WDPCP: variants seen among roughly 807,000 people sequenced by gnomAD.
WDPCP encodes the protein WD repeat-containing and planar cell polarity effector protein fritz homolog.
Under a neutral mutation model 93.1 loss-of-function variants are expected in WDPCP, and 71 were observed. The observed-to-expected ratio is 0.76, with a 90% confidence interval of 0.63 to 0.93. The LOEUF (loss-of-function observed/expected upper bound fraction) is 0.93, where lower values mean the gene tolerates loss of function less well. Ranked by LOEUF, WDPCP falls within the 40% of genes least tolerant of loss-of-function variation. The probability of loss-of-function intolerance (pLI) is 0.00; values close to 1 mark genes in which losing one functional copy is unlikely to be tolerated. For synonymous variants in WDPCP, 315 were observed against 315.0 expected, an observed-to-expected ratio of 1.00 and a Z score of 0.00; for missense variants, 844 against 887.4, an observed-to-expected ratio of 0.95 and a Z score of 0.62.
chr2:63,839,489 C>T, the WDPCP span, among the ~76,000 whole-genome samples: 11 of 152,326 alleles, frequency 7.2e-5, no homozygotes, highest in African/African-American at 2.4e-4. Flanking sequence ...ACCCGGGAGG[C>T]GGAGGTTGCA....
intron 17 of WDPCP, among the ~76,000 whole-genome samples, chr2:63,140,140 T>C (rs1450720152): frequency 6.6e-6 from 1 of 152,222 alleles, no homozygotes; most frequent in African/African-American, 2.4e-5. Context: ...TGCATTTATT[T>C]CTGGGTTCTC....
intron 1 of WDPCP, among the ~76,000 whole-genome samples, chr2:63,496,910 G>A (rs4671062): frequency 0.19 from 28,459 of 151,674 alleles, 3,370 homozygotes; most frequent in Non-Finnish European, 0.24. Flanking sequence ...CCAAGAGTTC[G>A]AGACCAGCCT....
In WDPCP at chr2:63,656,028, T is replaced by C. The variant is rs144666824; in HGVS notation, n.309-5190A>G. 2.2e-3 allele frequency among the ~76,000 whole-genome samples: 337 copies of C among 152,324 alleles called. 1 individual carries two copies. Among genetic ancestry groups the C allele is most frequent in the African/African-American group, 7.5e-3 (310 of 41,564 alleles). On this transcript the variant is annotated intron_variant and non_coding_transcript_variant, in intron 2 of 4. Coordinates refer to the WDPCP transcript ENST00000467687. ...TAATCTGATGAAGGACGGGGGATTA[T>C]TGTGCTGGTTCTGCTGAAAAGAACC...
the WDPCP span, among the ~76,000 whole-genome samples, chr2:63,840,788 A>C: frequency 6.6e-6 from 1 of 152,182 alleles, no homozygotes; most frequent in Non-Finnish European, 1.5e-5. Context: ...ACGCCGCCGT[A>C]AGTGCTGCTC....
chr2:63,732,504 G>T (rs141129937), intron 2 of WDPCP, among the ~76,000 whole-genome samples: 3,655 of 152,004 alleles, frequency 0.024, 88 homozygotes, highest in Non-Finnish European at 0.038. Flanking sequence ...ACTATAATAA[G>T]AAATTATCAA....
intron 2 of WDPCP, among the ~76,000 whole-genome samples, chr2:63,696,001 T>C (rs1326569384): frequency 3.3e-5 from 5 of 152,048 alleles, no homozygotes; most frequent in Admixed American, 2.6e-4. Context: ...ATGGTTGAGG[T>C]TGGGGGACAG....
chr2:63,148,861 A>AAC (rs60091903), intron 17 of WDPCP, among the ~76,000 whole-genome samples: 4,808 of 149,276 alleles, frequency 0.032, 244 homozygotes, highest in African/African-American at 0.11. Context: ...CACAGGAGCC[A>AAC]ACACACACAC....
rs1553438281 is a variant in WDPCP, at chr2:63,575,360, A to AGTATATACTGTATATG, written c.75+12836_75+12837insCATATACAGTATATAC. On this transcript the variant is annotated intron_variant, in intron 1 of 17. Transcript: ENST00000272321. ...GGTATATACTGTATATGGTATATACAGTATATACAGTATATACAGTATATA... is the reference window on the plus strand; with the variant it reads ...GGTATATACTGTATATGGTATATACAGTATATACTGTATATGGTATATACAGTATATACAGTATATA... Among the ~76,000 whole-genome samples, 17 of 105,016 alleles carry AGTATATACTGTATATG rather than the reference A, an allele frequency of 1.6e-4. 1 individual carries two copies. Among genetic ancestry groups the AGTATATACTGTATATG allele is most frequent in the East Asian group, 1.2e-3 (5 of 4,188 alleles). The allele number at this position is 105,016 out of a possible 152,430, so 68.9% of individuals were successfully genotyped here. A position where few individuals can be genotyped will look rare whatever the true frequency, so the allele number is the denominator to read the frequency against.
chr2:63,669,462 C>T (rs780780732), intron 2 of WDPCP, among the ~76,000 whole-genome samples: 1 of 151,628 alleles, frequency 6.6e-6, no homozygotes, highest in Admixed American at 6.6e-5. Context: ...TGGGTTCAAG[C>T]GATTCTTGTG....
intron 14 of WDPCP, among the ~76,000 whole-genome samples, chr2:63,254,530 T>C (rs1680983781): frequency 6.6e-6 from 1 of 152,126 alleles, no homozygotes; most frequent in Non-Finnish European, 1.5e-5. Flanking sequence ...AAAATTAAAC[T>C]TTTAAAGATA....
chr2:63,402,440 A>G (rs920644527), intron 10 of WDPCP, among the ~76,000 whole-genome samples: 2 of 152,194 alleles, frequency 1.3e-5, no homozygotes, highest in Admixed American at 6.5e-5. Context: ...TACGTAACAA[A>G]CTTGCACATT....
intron 10 of WDPCP, among the ~76,000 whole-genome samples, chr2:63,398,036 C>CCA (rs1374969348): frequency 6.6e-6 from 1 of 152,052 alleles, no homozygotes; most frequent in Non-Finnish European, 1.5e-5. Context: ...GTTATGGGAT[C>CCA]CACAGAGCAA....
chr2:63,640,112 C>T (rs963173945), intron 3 of WDPCP, among the ~76,000 whole-genome samples: 6 of 152,120 alleles, frequency 3.9e-5, no homozygotes, highest in East Asian at 1.9e-4. Flanking sequence ...AGGTTCACGC[C>T]ATTCTCCTGC....
At chr2:63,575,445 A>ACACTGTATG (rs1707940132) in intron 1 of WDPCP, among the ~76,000 whole-genome samples, 1 of 12,442 alleles carries the variant, frequency 8.0e-5, no homozygotes, top group East Asian at 0.021. Context: ...TACAGTGTAT[A>ACACTGTATG]CACTGTATAT....
intron 1 of WDPCP, among the ~76,000 whole-genome samples, chr2:63,513,452 A>C (rs549025624): frequency 2.0e-3 from 300 of 152,186 alleles, no homozygotes; most frequent in Middle Eastern, 3.4e-3. Flanking sequence ...CATGCTGAGC[A>C]CTTTAAAGGG....
At position 63,684,542 on chromosome 2, in the gene WDPCP, C is replaced by A. The variant is rs13410065; in HGVS notation, n.309-33704G>T. ...TGTGAGAGTTTATAACTATAATCAC[C>A]TAATGCCCACAAGGTACTCTGTGGA... On this transcript the variant is annotated intron_variant and non_coding_transcript_variant, in intron 2 of 4. Coordinates refer to the WDPCP transcript ENST00000467687. 5.1e-4 allele frequency: 365 copies of A among 714,724 alleles called. 2 individuals carry two copies. The African/African-American group carries it at 5.6e-3, about 11-fold the overall frequency. The allele number at this position is 714,724 out of a possible 1,614,324, so 44.3% of individuals were successfully genotyped here. A position where few individuals can be genotyped will look rare whatever the true frequency, so the allele number is the denominator to read the frequency against.
intron 14 of WDPCP, among the ~76,000 whole-genome samples, chr2:63,231,846 G>C (rs1237971038): frequency 6.6e-6 from 1 of 152,038 alleles, no homozygotes; most frequent in Non-Finnish European, 1.5e-5. Flanking sequence ...AGTTCATATG[G>C]AGACAAAAAA....
chr2:63,144,456 A>G (rs750598238), intron 17 of WDPCP, among the ~76,000 whole-genome samples: 1 of 151,982 alleles, frequency 6.6e-6, no homozygotes, highest in Non-Finnish European at 1.5e-5. Context: ...GGGTTTCGCC[A>G]TGTTGGCCAG....
At chr2:63,591,350 C>G (rs1049710976), upstream of WDPCP, among the ~76,000 whole-genome samples, 11 of 152,192 alleles carry the variant, frequency 7.2e-5, no homozygotes, top group Non-Finnish European at 1.3e-4. Context: ...CATTCAAACA[C>G]TAAGCCTCAT....
Sources: gnomAD v4.1 joint callset for allele counts (sites outside exome capture counted in the v4.1 genomes callset) on GRCh38, gnomAD v4.1.1 for gene constraint, MANE v1.5 for transcripts, NCBI Gene and HGNC (gene_info 2026-07-23, HGNC 2026-07-21) for gene names.